Variants in AK4 observed in about 807,000 individuals in gnomAD.
AK4 encodes adenylate kinase 4, also known as adenylate kinase 4, mitochondrial.
A neutral mutation model predicts 24.6 loss-of-function variants in AK4; 13 were observed. That is an observed-to-expected ratio of 0.53 (90% CI 0.34 to 0.84). The LOEUF is 0.84. Among genes scored for constraint, AK4 ranks in the 40% least tolerant of loss-of-function variants. AK4 has a pLI of 0.01. For synonymous variants in AK4, 88 were observed against 107.0 expected, an observed-to-expected ratio of 0.82 and a Z score of 1.10; for missense variants, 192 against 288.2, an observed-to-expected ratio of 0.67 and a Z score of 2.42.
At chr1:65,155,039 CG>C (rs938706814) in intron 1 of AK4, among the ~76,000 whole-genome samples, 1 of 151,166 alleles carries the variant, frequency 6.6e-6, no homozygotes, top group Non-Finnish European at 1.5e-5. Flanking sequence ...TTAATAGAGA[CG>C]GGGTTTCACC....
intron 1 of AK4, among the ~76,000 whole-genome samples, chr1:65,182,046 G>T (rs934726444): frequency 1.3e-5 from 2 of 152,134 alleles, no homozygotes; most frequent in Non-Finnish European, 2.9e-5. Context: ...CTCCAGAGTC[G>T]CTGGGACTAC....
intron 2 of AK4, among the ~76,000 whole-genome samples, chr1:65,206,769 C>G (rs185308238): frequency 3.9e-5 from 6 of 152,284 alleles, no homozygotes; most frequent in Non-Finnish European, 7.4e-5. Flanking sequence ...ACAGCGAGAC[C>G]CTGTCTCAAA....
At chr1:65,224,626 C>T in intron 3 of AK4, 126 bp from the exon 4 acceptor site, 1 of 703,748 alleles carries the variant, frequency 1.4e-6, no homozygotes, top group Non-Finnish European at 2.5e-6. Flanking sequence ...TTACCACTGT[C>T]ACCAAGGCCT....
chr1:65,213,916 C>T (rs546705630), intron 2 of AK4, among the ~76,000 whole-genome samples: 5 of 152,238 alleles, frequency 3.3e-5, no homozygotes, highest in South Asian at 2.1e-4. Flanking sequence ...GACATTTGGA[C>T]GTGGATACAT....
intron 1 of AK4, 149 bp downstream of exon 1, chr1:65,148,701 C>G: frequency 4.2e-6 from 5 of 1,186,662 alleles, no homozygotes; most frequent in Non-Finnish European, 5.3e-6. Context: ...ATGCAGCTGG[C>G]GGCCGCGCGG....
upstream of AK4, chr1:65,147,761 G>C (rs1179024445): frequency 6.6e-6 from 1 of 152,348 alleles, no homozygotes; most frequent in Non-Finnish European, 1.5e-5. Context: ...ACCCCGGGCG[G>C]AGGTGGGCCC....
chr1:65,170,426 T>G (rs1171304095), intron 1 of AK4, among the ~76,000 whole-genome samples: 1 of 152,224 alleles, frequency 6.6e-6, no homozygotes, highest in Non-Finnish European at 1.5e-5. Context: ...GATGTCGTTC[T>G]TTCTTGTCTT....
At chr1:65,159,969 C>CAAAAAAAAAAAAAAAAAA (rs951802334) in intron 1 of AK4, among the ~76,000 whole-genome samples, 6 of 63,350 alleles carry the variant, frequency 9.5e-5, no homozygotes, top group African/African-American at 3.1e-4. Context: ...ACTATGTCTC[C>CAAAAAAAAAAAAAAAAAA]AAAAAAAAAA....
At chr1:65,190,260 CT>C (rs552566388) in intron 1 of AK4, among the ~76,000 whole-genome samples, 189 of 143,858 alleles carry the variant, frequency 1.3e-3, no homozygotes, top group Admixed American at 1.8e-3. Flanking sequence ...TTCTTTCTTT[CT>C]TTTTTTTTTT....
intron 1 of AK4, among the ~76,000 whole-genome samples, chr1:65,190,464 A>C (rs1160044383): frequency 1.5e-5 from 1 of 65,220 alleles, no homozygotes; most frequent in Non-Finnish European, 3.6e-5. Flanking sequence ...GGGGGGCGGG[A>C]GGAGGGGTGG....
In AK4 at chr1:65,164,683, A is replaced by AT. The variant is rs552231945; in HGVS notation, c.145+16135dup. Reference sequence around the variant, plus strand: ...CTTATCAGATATATGATTTACAAATATTTTCTCCTATCCTGTTTCACTTCC... The same window carrying AT: ...CTTATCAGATATATGATTTACAAATATTTTTCTCCTATCCTGTTTCACTTCC... On this transcript the variant is annotated intron_variant, in intron 1 of 4. Coordinates refer to ENST00000327299, the MANE Select transcript of AK4 (RefSeq NM_013410.4). Among the ~76,000 whole-genome samples, 401 of 152,300 alleles carry AT rather than the reference A, an allele frequency of 2.6e-3. 4 individuals are homozygous for AT. The highest frequency in any genetic ancestry group is 9.2e-3 in the African/African-American group (383 of 41,568).
intron 3 of AK4, among the ~76,000 whole-genome samples, chr1:65,221,890 A>T (rs1374714935): frequency 6.6e-6 from 1 of 152,318 alleles, no homozygotes; most frequent in East Asian, 1.9e-4. Context: ...TGAAGTGGCT[A>T]TGTTGTCTGG....
intron 1 of AK4, among the ~76,000 whole-genome samples, chr1:65,186,000 A>G (rs1390857139): frequency 6.6e-6 from 1 of 152,062 alleles, no homozygotes; most frequent in Non-Finnish European, 1.5e-5. Flanking sequence ...GTTGGGCCAT[A>G]TTTGATTTTG....
intron 2 of AK4, among the ~76,000 whole-genome samples, chr1:65,203,821 C>T (rs1205546651): frequency 6.6e-6 from 1 of 151,736 alleles, no homozygotes; most frequent in Non-Finnish European, 1.5e-5. Context: ...AAAAAAAAAT[C>T]ACCCCTCCTC....
intron 1 of AK4, among the ~76,000 whole-genome samples, chr1:65,175,521 T>TA (rs1650684656): frequency 6.6e-6 from 1 of 152,222 alleles, no homozygotes; most frequent in Non-Finnish European, 1.5e-5. Context: ...ATTCACACTC[T>TA]GGGCCTTGTG....
chr1:65,226,216 A>T lies in AK4; in HGVS notation c.*39A>T. The T allele has an allele frequency of 6.6e-7, 1 of 1,516,110 alleles. No homozygotes were observed. The highest frequency in any genetic ancestry group is 9.0e-7 in the Non-Finnish European group (1 of 1,112,996). The allele number at this position is 1,516,110 out of a possible 1,614,324, so 93.9% of individuals were successfully genotyped here. On this transcript the variant is annotated 3_prime_UTR_variant, in exon 5 of 5. Transcript: ENST00000327299. ...AAGAACCAGGAAGATGTGGTCATTC[A>T]TTCAATAGTGTGTGTAGTATTGGTG... is the stretch of plus-strand genomic sequence containing the variant.
At chr1:65,167,982 T>C (rs1056685423) in intron 1 of AK4, among the ~76,000 whole-genome samples, 5 of 152,118 alleles carry the variant, frequency 3.3e-5, no homozygotes, top group African/African-American at 4.8e-5. Context: ...TGTCTTTTTT[T>C]CCCCAAGAAA....
chr1:65,230,960 G>T lies in AK4; in HGVS notation c.*4783G>T, dbSNP rs1464876759. The stretch of plus-strand genomic sequence containing the variant: ...ATTTTGCTAGAGAGGCAATTCATAA[G>T]GTGAGGTCCTGTTCATAGTATGACT... On this transcript the variant is annotated 3_prime_UTR_variant, in exon 5 of 5. Transcript: ENST00000327299. 6.6e-6 allele frequency: 1 copy of T among 152,138 alleles called. No individual in the cohort carries two copies. Among genetic ancestry groups the T allele is most frequent in the African/African-American group, 2.4e-5 (1 of 41,430 alleles). The allele number at this position is 152,138 out of a possible 1,614,324, so 9.4% of individuals were successfully genotyped here.
At chr1:65,151,099 G>A (rs920032627) in intron 1 of AK4, among the ~76,000 whole-genome samples, 2 of 151,966 alleles carry the variant, frequency 1.3e-5, no homozygotes. Context: ...GATTACAGGC[G>A]TCTGCCACCA....
Sources: allele counts gnomAD v4.1 joint callset (sites outside exome capture counted in the v4.1 genomes callset), GRCh38; gene constraint gnomAD v4.1.1; transcripts MANE v1.5; gene names NCBI Gene and HGNC (gene_info 2026-07-23, HGNC 2026-07-21).